TLN1: variants seen among roughly 807,000 people sequenced by gnomAD.
TLN1 encodes talin-1.
TLN1 carries 56 observed loss-of-function variants against 292.3 expected under a neutral mutation model. The ratio of observed to expected loss-of-function variants is 0.19; its 90% CI spans 0.15 to 0.24. TLN1 has a LOEUF of 0.24. TLN1 is among the 10% of genes least tolerant of loss of function. The pLI is 1.00. For missense variants in TLN1, 2,433 were observed against 3,248.2 expected, an observed-to-expected ratio of 0.75 and a Z score of 6.10; for synonymous variants, 1,119 against 1,253.7, an observed-to-expected ratio of 0.89 and a Z score of 2.27.
At chr9:35,720,353 C>T (rs1825859741) in intron 12 of TLN1, 80 bp downstream of exon 12, 1 of 1,557,994 alleles carries the variant, frequency 6.4e-7, no homozygotes, top group African/African-American at 1.4e-5. Flanking sequence ...CTAAGGACTC[C>T]CCACCTCCCA....
rs118018083 is a variant in TLN1, at chr9:35,699,664, C to A, written c.6769-203G>T. 3.0e-6 allele frequency: 3 copies of A among 985,158 alleles called. No individual in the cohort carries two copies. The African/African-American group carries it at 5.2e-5, about 17-fold the overall frequency. The allele number at this position is 985,158 out of a possible 1,614,324, so 61.0% of individuals were successfully genotyped here. On this transcript the variant is annotated intron_variant, in intron 50 of 56. Transcript: ENST00000314888. This position sits in a 1 kb window ranked among gnomAD's most constrained non-coding sequence, Gnocchi z 4.0. ...GAGACAGTGGGGCTGTGTCACTCAC[C>A]GGCTGACAAGGAGCAAGGAGAATGA...
At chr9:35,720,628 T>A in intron 11 of TLN1, 119 bp from the exon 12 acceptor site, 1 of 1,132,310 alleles carries the variant, frequency 8.8e-7, no homozygotes, top group Non-Finnish European at 1.3e-6. Context: ...CATTTCTTTT[T>A]CTTTTTTTTT....
Position 35,707,778 on chromosome 9 carries a change from C to T in TLN1, c.4585G>A (p.Ala1529Thr), listed in dbSNP as rs1225107776. 1 of 1,614,202 alleles carries T rather than the reference C, an allele frequency of 6.2e-7. No homozygotes were observed. Among genetic ancestry groups the T allele is most frequent in the Non-Finnish European group, 8.5e-7 (1 of 1,180,040 alleles). Reference protein sequence around the residue: ...PTAKRQFVQSAKEVANSTANL... With the variant: ...PTAKRQFVQSTKEVANSTANL... ...GCTGTGCTGTTGGCCACCTCCTTGG[C>T]TGACTGTACAAACTGGCGCTTGGCA... The change falls in exon 35 of 57, where the codon GCC becomes ACC. Residue 1529 changes from alanine to threonine, a missense_variant. Around this residue, in one of 7 missense-constraint regions of TLN1, gnomAD observed 1,384 missense variants for 1,699.6 expected, o/e 0.81. Transcript: ENST00000314888. The surrounding 1 kb of genome is among the most constrained non-coding windows in gnomAD (Gnocchi z 5.6).
chr9:35,700,328 A>C lies in TLN1; in HGVS notation c.6523T>G (p.Phe2175Val). 1 of 1,611,566 alleles carries C rather than the reference A, an allele frequency of 6.2e-7. No individual in the cohort carries two copies. The highest frequency in any genetic ancestry group is 1.1e-5 in the South Asian group (1 of 91,038). The change falls in exon 49 of 57, where the codon TTC becomes GTC. Residue 2175 changes from phenylalanine to valine, a missense_variant. Physicochemically the swap from Phe to Val is conservative, Grantham distance 50 (BLOSUM62 -1). This residue lies in a region of TLN1 where 1,384 missense variants were observed against 1,699.6 expected (regional missense o/e 0.81). Coordinates refer to ENST00000314888, the MANE Select transcript of TLN1 (RefSeq NM_006289.4). ...GTGATACCCTTGGTCATTCGGATGA[A>C]GTCTTCTGGGGTAGAGGTCTTGGCA... Reference protein sequence around the residue: ...PPAKTSTPEDFIRMTKGITMA... With the variant: ...PPAKTSTPEDVIRMTKGITMA...
Position 35,719,142 on chromosome 9 carries a change from G to C in TLN1, c.1828C>G (p.Gln610Glu). The change falls in exon 16 of 57, where the codon CAG becomes GAG. Residue 610 changes from glutamine to glutamate, a missense_variant. By Grantham distance (29) the Gln-to-Glu change is conservative. This residue lies in a region of TLN1 where 617 missense variants were observed against 770.6 expected (regional missense o/e 0.80). Coordinates refer to ENST00000314888, the MANE Select transcript of TLN1 (RefSeq NM_006289.4). This position sits in a 1 kb window ranked among gnomAD's most constrained non-coding sequence, Gnocchi z 4.6. ...DEGGSGRPLLQAAKGLAGAVS... is the reference protein window; with the variant it reads ...DEGGSGRPLLEAAKGLAGAVS... ...GCTCCCGCAAGGCCCTTTGCTGCCTGCAACAGGGGCCGACCACTGCCGCCT... is the reference window on the plus strand; with the variant it reads ...GCTCCCGCAAGGCCCTTTGCTGCCTCCAACAGGGGCCGACCACTGCCGCCT... The C allele has an allele frequency of 1.2e-6, 2 of 1,614,166 alleles. No homozygotes were observed. Among genetic ancestry groups the C allele is most frequent in the Non-Finnish European group, 1.7e-6 (2 of 1,180,038 alleles).
intron 33 of TLN1, 138 bp from the exon 34 acceptor site, chr9:35,708,622 A>G: frequency 1.3e-6 from 1 of 742,994 alleles, no homozygotes; most frequent in African/African-American, 1.8e-5. Flanking sequence ...GAGTGGAGAT[A>G]CATTAGCAAA....
intron 10 of TLN1, 84 bp from the exon 11 acceptor site, chr9:35,720,997 G>A (rs1825871010): frequency 9.6e-7 from 1 of 1,044,500 alleles, no homozygotes; most frequent in East Asian, 2.5e-5. Flanking sequence ...CCAAGGTTGA[G>A]CTGATGAGAT....
rs756214573 is a variant in TLN1 at position 35,714,085 on chromosome 9, T to C, written c.3121-4A>G. The C allele has an allele frequency of 3.1e-6, 5 of 1,613,972 alleles. No homozygotes were observed. Among genetic ancestry groups the C allele is most frequent in the Non-Finnish European group, 4.2e-6 (5 of 1,179,830 alleles). On this transcript the variant is annotated splice_polypyrimidine_tract_variant and splice_region_variant and intron_variant, in intron 24 of 56. Transcript: ENST00000314888. This position sits in a 1 kb window ranked among gnomAD's most constrained non-coding sequence, Gnocchi z 4.6. ...AAGGTCCACATGCTTCCTGAGCCTA[T>C]GATAAGAAAGGGGTTTTGGGTGTAG...
chr9:35,728,329 G>A (rs1020950393), intron 1 of TLN1, among the ~76,000 whole-genome samples: 1 of 152,208 alleles, frequency 6.6e-6, no homozygotes, highest in Non-Finnish European at 1.5e-5. Flanking sequence ...ATATAAGAGG[G>A]ATGGGGGAGT....
chr9:35,720,543 A>G lies in TLN1; in HGVS notation c.1207-34T>C, dbSNP rs185629758. 91 of 1,606,412 alleles carry G rather than the reference A, an allele frequency of 5.7e-5. No homozygotes were observed. The East Asian group carries it at 1.9e-3, about 33-fold the overall frequency. On this transcript the variant is annotated intron_variant, in intron 11 of 56. Coordinates refer to ENST00000314888, the MANE Select transcript of TLN1 (RefSeq NM_006289.4). The stretch of plus-strand genomic sequence containing the variant: ...AGGAAAAAGGAACAAGAGTTGGGAT[A>G]GTTAAAGAAGAGGGAAGTGGAGAAA...
At chr9:35,722,711 C>T in intron 8 of TLN1, 150 bp downstream of exon 8, 2 of 729,368 alleles carry the variant, frequency 2.7e-6, no homozygotes, top group Non-Finnish European at 2.4e-6. Flanking sequence ...AAGCTGTCTG[C>T]TTTCTTGGCA....
rs747837971 is a variant in TLN1 at position 35,725,547 on chromosome 9, C to T, written c.130+18G>A. 24 of 1,608,668 alleles carry T rather than the reference C, an allele frequency of 1.5e-5. No individual in the cohort carries two copies. The highest frequency in any genetic ancestry group is 2.7e-5 in the African/African-American group (2 of 74,792). On this transcript the variant is annotated intron_variant, in intron 2 of 56. Transcript: ENST00000314888. ...GACTGAAGACTCCCACTCCAGCCAC[C>T]GGGGGAGTCAGACTCACGAGGACCA...
chr9:35,714,939 C>G lies in TLN1; in HGVS notation c.2755-63G>C, dbSNP rs1003106090. 97 of 1,607,296 alleles carry G rather than the reference C, an allele frequency of 6.0e-5. No homozygotes were observed. In the Admixed American group the frequency reaches 1.6e-3, roughly 27 times the overall value. ...TCCCATGCCCAGCCCAGTCCCTGGC[C>G]TACCTTGCCCAGGTTATGCCTCAAG... is the stretch of plus-strand genomic sequence containing the variant. On this transcript the variant is annotated intron_variant, in intron 21 of 56. Transcript: ENST00000314888. The surrounding 1 kb of genome is among the most constrained non-coding windows in gnomAD (Gnocchi z 4.6).
At chr9:35,722,778 G>T (rs1825899700) in intron 8 of TLN1, 83 bp downstream of exon 8, 2 of 1,407,196 alleles carry the variant, frequency 1.4e-6, no homozygotes, top group Non-Finnish European at 2.0e-6. Flanking sequence ...GAGACGGGGA[G>T]GAGGCAGGGG....
chr9:35,707,324 A>G lies in TLN1; in HGVS notation c.4773+24T>C. The G allele has an allele frequency of 6.2e-7, 1 of 1,611,892 alleles. No homozygotes were observed. Among genetic ancestry groups the G allele is most frequent in the Non-Finnish European group, 8.5e-7 (1 of 1,178,258 alleles). On this transcript the variant is annotated intron_variant, in intron 36 of 56. Coordinates refer to ENST00000314888, the MANE Select transcript of TLN1 (RefSeq NM_006289.4). The surrounding 1 kb of genome is among the most constrained non-coding windows in gnomAD (Gnocchi z 5.6). Reference sequence around the variant, plus strand: ...AGATGAGGTGATAAGCTGGCCCATCAGTTCCCCCTTCACATCGCCTCACCT... The same window carrying G: ...AGATGAGGTGATAAGCTGGCCCATCGGTTCCCCCTTCACATCGCCTCACCT...
Position 35,712,905 on chromosome 9 carries a change from C to A in TLN1, c.3491G>T (p.Ser1164Ile), listed in dbSNP as rs149157349. Residue 1164 changes from serine (S) to isoleucine (I), a missense_variant, in exon 27 of 57, where the codon AGC (serine) becomes ATC (isoleucine). Coordinates refer to ENST00000314888, the MANE Select transcript of TLN1 (RefSeq NM_006289.4). ...TASDVLDKAS[S>I]LIEEAKKAAG... ...TGCCTTTTTCGCCTCCTCAATGAGG[C>A]TGCTGGCCTTGTCCAGCACATCACT... 1 of 1,605,146 alleles carries A rather than the reference C, an allele frequency of 6.2e-7. No individual in the cohort carries two copies. Among genetic ancestry groups the A allele is most frequent in the Non-Finnish European group, 8.5e-7 (1 of 1,175,652 alleles).
chr9:35,707,466 T>C lies in TLN1; in HGVS notation c.4655A>G (p.Glu1552Gly), dbSNP rs1252416617. ...TGCTCGGCACTGGGCACGGTTCTCCTCTGTGAAGGCCCCATCTAGCGCCTA... is the reference window on the plus strand; with the variant it reads ...TGCTCGGCACTGGGCACGGTTCTCCCCTGTGAAGGCCCCATCTAGCGCCTA... ...TIKALDGAFT[E>G]ENRAQCRAAT... is the part of the protein sequence containing the mutation. The change falls in exon 36 of 57, where the codon GAG becomes GGG. Residue 1552 changes from glutamate (E) to glycine (G), a missense_variant. By Grantham distance (98) the Glu-to-Gly change is moderately conservative (BLOSUM62 -2). Coordinates refer to ENST00000314888, the MANE Select transcript of TLN1 (RefSeq NM_006289.4). This position sits in a 1 kb window ranked among gnomAD's most constrained non-coding sequence, Gnocchi z 5.6. 3 of 1,614,140 alleles carry C rather than the reference T, an allele frequency of 1.9e-6. No homozygotes were observed. The South Asian group carries it at 3.3e-5, about 18-fold the overall frequency.
chr9:35,725,852 G>T, intron 1 of TLN1, 125 bp from the exon 2 acceptor site: 1 of 724,818 alleles, frequency 1.4e-6, no homozygotes, highest in South Asian at 2.2e-5. Context: ...TAATAAGGTT[G>T]TTTTCATTGT....
At chr9:35,727,160 G>A (rs1825992392) in intron 1 of TLN1, among the ~76,000 whole-genome samples, 1 of 152,108 alleles carries the variant, frequency 6.6e-6, no homozygotes, top group Non-Finnish European at 1.5e-5. Context: ...CTTGGTACAG[G>A]GATTGGGTGC....
Sources: allele counts gnomAD v4.1 joint callset (sites outside exome capture counted in the v4.1 genomes callset), GRCh38; gene constraint gnomAD v4.1.1; regional missense constraint gnomAD v4.1.1; non-coding constraint Gnocchi (gnomAD v3.1); transcripts MANE v1.5; gene names NCBI Gene and HGNC (gene_info 2026-07-23, HGNC 2026-07-21).